The following VRK3 variants were observed in gnomAD, a reference collection of about 807,000 sequenced individuals.
The protein encoded by VRK3 is VRK serine/threonine kinase 3, also known as serine/threonine-protein kinase VRK3.
Under a neutral mutation model 60.4 loss-of-function variants are expected in VRK3, and 50 were observed. That is an observed-to-expected ratio of 0.83 (90% CI 0.66 to 1.05). The LOEUF is 1.05. VRK3 is among the 50% of genes least tolerant of loss of function. The pLI, the probability that VRK3 is intolerant of heterozygous loss-of-function variation, is 0.00. For synonymous variants in VRK3, 246 were observed against 227.8 expected, an observed-to-expected ratio of 1.08 and a Z score of -0.72; for missense variants, 549 against 585.3, an observed-to-expected ratio of 0.94 and a Z score of 0.64.
intron 12 of VRK3, among the ~76,000 whole-genome samples, chr19:49,981,421 T>C (rs1265294346): frequency 6.6e-6 from 1 of 152,098 alleles, no homozygotes; most frequent in African/African-American, 2.4e-5. Context: ...GGCGGGTGCC[T>C]GTGGTCCCAG....
chr19:50,000,736 T>C, intron 6 of VRK3, 54 bp downstream of exon 6: 1 of 1,554,772 alleles, frequency 6.4e-7, no homozygotes. Flanking sequence ...GTCAAGGATG[T>C]GTTTGTGAAA....
chr19:49,986,979 C>T (rs2076526796), intron 12 of VRK3: 1 of 152,278 alleles, frequency 6.6e-6, no homozygotes, highest in African/African-American at 2.4e-5. Context: ...CCTCCACCTC[C>T]CGGGTTCAAG....
chr19:49,996,820 T>C (rs974115192), intron 7 of VRK3, among the ~76,000 whole-genome samples: 3 of 150,814 alleles, frequency 2.0e-5, no homozygotes, highest in African/African-American at 7.3e-5. Flanking sequence ...TTTCACCATG[T>C]TGGCCAGGCT....
At chr19:50,019,636 A>C (rs188755136) in intron 2 of VRK3, among the ~76,000 whole-genome samples, 3 of 129,494 alleles carry the variant, frequency 2.3e-5, no homozygotes, top group African/African-American at 5.7e-5. Flanking sequence ...CAGTCTCCCA[A>C]GTATCTGGGA....
chr19:50,013,307 G>A (rs903745051), intron 3 of VRK3, among the ~76,000 whole-genome samples: 30 of 152,256 alleles, frequency 2.0e-4, no homozygotes, highest in African/African-American at 7.0e-4. Context: ...AAAGCCATAT[G>A]CTAAGGATGG....
At chr19:49,993,311 A>G (rs981911105) in intron 9 of VRK3, among the ~76,000 whole-genome samples, 4 of 152,228 alleles carry the variant, frequency 2.6e-5, no homozygotes, top group African/African-American at 9.6e-5. Flanking sequence ...CCTGTCCTAG[A>G]GAGCAGAAAT....
chr19:50,010,650 T>C (rs912145271), intron 3 of VRK3, among the ~76,000 whole-genome samples: 3 of 152,228 alleles, frequency 2.0e-5, no homozygotes, highest in South Asian at 2.1e-4. Flanking sequence ...TGGTGGCTCA[T>C]GCCTGTAATC....
chr19:49,995,432 C>A (rs2076685631), intron 7 of VRK3, among the ~76,000 whole-genome samples, 157 bp from the exon 8 acceptor site: 1 of 152,204 alleles, frequency 6.6e-6, no homozygotes, highest in South Asian at 2.1e-4. Flanking sequence ...TGGGAAGGGG[C>A]TGGTGACAGG....
intron 5 of VRK3, among the ~76,000 whole-genome samples, chr19:50,002,570 G>T (rs1490007541): frequency 6.6e-6 from 1 of 152,184 alleles, no homozygotes; most frequent in Admixed American, 6.5e-5. Flanking sequence ...AGCAGGAAAA[G>T]CTGGCAATTT....
chr19:50,019,839 A>G (rs1477435263), intron 2 of VRK3, among the ~76,000 whole-genome samples: 1 of 151,294 alleles, frequency 6.6e-6, no homozygotes, highest in Non-Finnish European at 1.5e-5. Flanking sequence ...TGCCTGGTCT[A>G]GACTTCTTAT....
intron 10 of VRK3, among the ~76,000 whole-genome samples, chr19:49,991,819 C>T (rs10413464): frequency 0.053 from 8,001 of 152,228 alleles, 697 homozygotes; most frequent in African/African-American, 0.18. Context: ...TGGATCCTGC[C>T]GTGCCCGAGA....
intron 4 of VRK3, 100 bp downstream of exon 4, chr19:50,009,135 TG>T (rs1317581594): frequency 2.2e-6 from 3 of 1,374,068 alleles, no homozygotes; most frequent in Admixed American, 1.9e-5. Context: ...CAGGGATGGA[TG>T]ATGTTTGAGC....
At chr19:49,976,946 G>A (rs1258684090) in intron 14 of VRK3, among the ~76,000 whole-genome samples, 162 bp from the exon 15 acceptor site, 2 of 152,094 alleles carry the variant, frequency 1.3e-5, no homozygotes, top group Non-Finnish European at 2.9e-5. Flanking sequence ...GCTGGGCTTA[G>A]GATGAGGAGG....
chr19:49,990,248 C>T (rs2076587332), intron 10 of VRK3, among the ~76,000 whole-genome samples: 1 of 152,192 alleles, frequency 6.6e-6, no homozygotes, highest in African/African-American at 2.4e-5. Context: ...GTTCTCTCTG[C>T]TATGATTTCT....
chr19:49,993,753 C>T (rs948041052), intron 9 of VRK3, among the ~76,000 whole-genome samples: 4 of 152,040 alleles, frequency 2.6e-5, no homozygotes, highest in African/African-American at 7.3e-5. Context: ...GATCATATCC[C>T]CAACCCTCTT....
chr19:50,018,884 G>A (rs2077117671), intron 2 of VRK3: 1 of 152,156 alleles, frequency 6.6e-6, no homozygotes, highest in African/African-American at 2.4e-5. Flanking sequence ...TTAAAAAAAA[G>A]GCCGGGCGCG....
chr19:49,981,909 C>A (rs997019442), intron 12 of VRK3: 3 of 919,168 alleles, frequency 3.3e-6, no homozygotes, highest in African/African-American at 1.7e-5. Context: ...AGCAAGCAGG[C>A]TCGACTTCAG....
intron 7 of VRK3, among the ~76,000 whole-genome samples, chr19:49,996,171 C>T (rs972791017): frequency 2.6e-5 from 4 of 152,056 alleles, no homozygotes; most frequent in Non-Finnish European, 5.9e-5. Context: ...CCGCCCGCCT[C>T]GGCCTCCCAA....
chr19:50,023,996 C>G (rs1156257179), intron 1 of VRK3, among the ~76,000 whole-genome samples: 1 of 152,232 alleles, frequency 6.6e-6, no homozygotes, highest in Non-Finnish European at 1.5e-5. Flanking sequence ...AGAGCAGTGG[C>G]ACGACCTCAG....
Sources: allele counts gnomAD v4.1 joint callset (sites outside exome capture counted in the v4.1 genomes callset), GRCh38; gene constraint gnomAD v4.1.1; transcripts MANE v1.5; gene names NCBI Gene and HGNC (gene_info 2026-07-23, HGNC 2026-07-21).